LRRC37A: variants seen among roughly 807,000 people sequenced by gnomAD.
LRRC37A encodes the protein leucine-rich repeat-containing protein 37A.
A neutral mutation model predicts 35.4 loss-of-function variants in LRRC37A; 3 were observed. The ratio of observed to expected loss-of-function variants is 0.08; its 90% CI spans 0.04 to 0.22. LRRC37A has a LOEUF of 0.22. LRRC37A is among the 10% of genes least tolerant of loss of function. LRRC37A has a pLI of 1.00. For missense variants in LRRC37A, 67 were observed against 565.3 expected (o/e 0.12, Z 8.94); for synonymous variants, 23 against 215.0 (o/e 0.11, Z 7.81).
At chr17:46,274,783 CTTT>C in the LRRC37A span, 68 of 145,588 alleles carry the variant, frequency 4.7e-4, no homozygotes, top group African/African-American at 1.6e-3. Context: ...CTTTCTTTTT[CTTT>C]TTTTTTTTTA....
chr17:46,267,713 A>G, the LRRC37A span, among the ~76,000 whole-genome samples: 2 of 152,060 alleles, frequency 1.3e-5, no homozygotes. Flanking sequence ...CCCCACCCCC[A>G]CGGGTGAGAA....
the LRRC37A span, among the ~76,000 whole-genome samples, chr17:46,272,402 G>A: frequency 6.6e-6 from 1 of 152,164 alleles, no homozygotes; most frequent in South Asian, 2.1e-4. Context: ...TCTAAAAAAT[G>A]TATGTTTTTC....
chr17:46,284,349 C>T, the LRRC37A span, among the ~76,000 whole-genome samples: 3 of 152,256 alleles, frequency 2.0e-5, no homozygotes, highest in African/African-American at 4.8e-5. Context: ...AAGGAGCATG[C>T]TGCCTTCAAG....
the LRRC37A span, among the ~76,000 whole-genome samples, chr17:46,259,016 C>T: frequency 1.2e-5 from 1 of 81,356 alleles, no homozygotes; most frequent in African/African-American, 5.2e-5. Context: ...CCGCACCCGG[C>T]CTATTTTTTT....
At chr17:46,290,937 G>C (rs2050049830), upstream of LRRC37A, among the ~76,000 whole-genome samples, 1 of 152,180 alleles carries the variant, frequency 6.6e-6, no homozygotes, top group South Asian at 2.1e-4. Context: ...GGGTAACCCA[G>C]CCCTATGCAC....
the LRRC37A span, among the ~76,000 whole-genome samples, chr17:46,279,286 C>T: frequency 1.3e-5 from 2 of 150,050 alleles, no homozygotes; most frequent in Non-Finnish European, 2.9e-5. Flanking sequence ...CAGGTTTGAG[C>T]AATTCACTTG....
At chr17:46,315,137 T>C (rs2051003334) in intron 5 of LRRC37A, among the ~76,000 whole-genome samples, 1 of 76,296 alleles carries the variant, frequency 1.3e-5, no homozygotes, top group East Asian at 2.6e-4. Context: ...ATATATTGTT[T>C]ATATGTATAA....
chr17:46,277,778 C>T, the LRRC37A span, among the ~76,000 whole-genome samples: 5 of 152,000 alleles, frequency 3.3e-5, no homozygotes, highest in African/African-American at 1.2e-4. Flanking sequence ...TCCCGAGTAG[C>T]TGGGATTACA....
chr17:46,253,494 C>G, the LRRC37A span, among the ~76,000 whole-genome samples: 1 of 152,200 alleles, frequency 6.6e-6, no homozygotes. Flanking sequence ...CGTCTGCAAT[C>G]CCGGCACCTC....
chr17:46,257,476 A>T, the LRRC37A span, among the ~76,000 whole-genome samples: 1 of 139,164 alleles, frequency 7.2e-6, no homozygotes, highest in Non-Finnish European at 1.6e-5. Flanking sequence ...AAAAAAAAGT[A>T]ACACTTTGAA....
At chr17:46,270,137 A>T in the LRRC37A span, among the ~76,000 whole-genome samples, 1 of 152,196 alleles carries the variant, frequency 6.6e-6, no homozygotes, top group Non-Finnish European at 1.5e-5. Flanking sequence ...CTAAAGAGAG[A>T]CAGGGGAAGG....
the LRRC37A span, among the ~76,000 whole-genome samples, chr17:46,262,950 T>C: frequency 6.6e-6 from 1 of 152,362 alleles, no homozygotes; most frequent in East Asian, 1.9e-4. Flanking sequence ...TGGTAGTTTA[T>C]GCCTGTCATC....
the LRRC37A span, among the ~76,000 whole-genome samples, chr17:46,253,047 C>T: frequency 6.8e-6 from 1 of 148,010 alleles, no homozygotes; most frequent in Non-Finnish European, 1.5e-5. Flanking sequence ...GGTTGCCGGG[C>T]GGAGGGGCTC....
the LRRC37A span, among the ~76,000 whole-genome samples, chr17:46,257,662 A>C: frequency 6.6e-6 from 1 of 151,542 alleles, no homozygotes; most frequent in African/African-American, 2.4e-5. Context: ...TAAAAAAAAA[A>C]AAAAAACACC....
chr17:46,249,085 C>A, the LRRC37A span, among the ~76,000 whole-genome samples: 2 of 152,050 alleles, frequency 1.3e-5, no homozygotes, highest in Admixed American at 6.5e-5. Flanking sequence ...AACATTATGT[C>A]ATTTCATAGA....
At chr17:46,279,481 G>GC in the LRRC37A span, among the ~76,000 whole-genome samples, 1 of 149,886 alleles carries the variant, frequency 6.7e-6, no homozygotes, top group African/African-American at 2.5e-5. Context: ...ACCGCACCTG[G>GC]CCTTTTTTTT....
the LRRC37A span, among the ~76,000 whole-genome samples, chr17:46,285,672 G>A: frequency 1.3e-5 from 2 of 152,226 alleles, no homozygotes; most frequent in East Asian, 3.8e-4. Flanking sequence ...TTATCTGAGT[G>A]TTAGATAAGC....
At chr17:46,248,645 G>A in the LRRC37A span, among the ~76,000 whole-genome samples, 7,399 of 132,358 alleles carry the variant, frequency 0.056, no homozygotes, top group Middle Eastern at 0.11. Context: ...TCAGCCTCCT[G>A]AGTAGCTGGG....
At chr17:46,287,120 C>T in the LRRC37A span, among the ~76,000 whole-genome samples, 1 of 152,376 alleles carries the variant, frequency 6.6e-6, no homozygotes, top group South Asian at 2.1e-4. Context: ...CTACCCCTGG[C>T]AAACTCCAGT....
Sources: allele counts gnomAD v4.1 joint callset (sites outside exome capture counted in the v4.1 genomes callset), GRCh38; gene constraint gnomAD v4.1.1; transcripts MANE v1.5; gene names NCBI Gene and HGNC (gene_info 2026-07-23, HGNC 2026-07-21).